GALNT17: variants seen among roughly 807,000 people sequenced by gnomAD.
GALNT17 encodes the protein UDP-GalNAc:polypeptide N-acetylgalactosaminyltransferase-like 3.
A neutral mutation model predicts 63.7 loss-of-function variants in GALNT17; 29 were observed. That is an observed-to-expected ratio of 0.46 (90% CI 0.34 to 0.62). GALNT17 has a LOEUF of 0.62. Among genes scored for constraint, GALNT17 ranks in the 20% least tolerant of loss-of-function variants. The pLI is 0.01. For synonymous variants in GALNT17, 305 were observed against 318.3 expected (o/e 0.96, Z 0.45); for missense variants, 603 against 799.6 (o/e 0.75, Z 2.97).
chr7:71,273,048 T>C (rs1421786535), intron 1 of GALNT17, among the ~76,000 whole-genome samples: 1 of 151,970 alleles, frequency 6.6e-6, no homozygotes, highest in Admixed American at 6.6e-5. Flanking sequence ...ACTCCTGTTA[T>C]TAGCAGTGAA....
chr7:71,336,275 C>T (rs1194303390), intron 2 of GALNT17, among the ~76,000 whole-genome samples: 1 of 152,016 alleles, frequency 6.6e-6, no homozygotes, highest in Non-Finnish European at 1.5e-5. Flanking sequence ...GAACTCCTGA[C>T]CTCAGGTGAT....
chr7:71,614,338 C>T (rs1790166710), intron 6 of GALNT17, among the ~76,000 whole-genome samples: 1 of 151,720 alleles, frequency 6.6e-6, no homozygotes, highest in African/African-American at 2.4e-5. Context: ...TTTCAGATTT[C>T]CAAATTATGG....
chr7:71,321,473 A>G (rs1460694253), intron 1 of GALNT17, among the ~76,000 whole-genome samples: 1 of 152,204 alleles, frequency 6.6e-6, no homozygotes, highest in Non-Finnish European at 1.5e-5. Context: ...GATCCTCGCC[A>G]TCACAGTGGC....
chr7:71,585,560 G>T (rs968310125), intron 6 of GALNT17, among the ~76,000 whole-genome samples: 3 of 152,088 alleles, frequency 2.0e-5, no homozygotes, highest in Admixed American at 6.5e-5. Flanking sequence ...TAATGAGTTG[G>T]TGTCATAGCA....
At chr7:71,672,701 G>A (rs904595977) in intron 8 of GALNT17, among the ~76,000 whole-genome samples, 3 of 152,018 alleles carry the variant, frequency 2.0e-5, no homozygotes, top group Non-Finnish European at 2.9e-5. Context: ...ACAGGCACAC[G>A]CCACCACGCC....
chr7:71,617,628 GTTTGTTT>G, intron 6 of GALNT17, among the ~76,000 whole-genome samples: 1 of 149,670 alleles, frequency 6.7e-6, no homozygotes, highest in East Asian at 2.0e-4. Context: ...TTGTTTGTTT[GTTTGTTT>G]GTTTGTTTGT....
At chr7:71,682,084 G>A (rs587698) in intron 9 of GALNT17, among the ~76,000 whole-genome samples, 57,597 of 151,700 alleles carry the variant, frequency 0.38, 11,798 homozygotes, top group African/African-American at 0.54. Flanking sequence ...CCACCACCAT[G>A]CCCAGCTAAT....
intron 5 of GALNT17, among the ~76,000 whole-genome samples, chr7:71,468,799 G>C (rs1346289262): frequency 6.6e-6 from 1 of 152,088 alleles, no homozygotes; most frequent in Non-Finnish European, 1.5e-5. Flanking sequence ...ATCTGGGACT[G>C]CTTTTGTTCT....
chr7:71,332,752 C>T (rs1395320922), intron 1 of GALNT17, among the ~76,000 whole-genome samples: 5 of 152,008 alleles, frequency 3.3e-5, no homozygotes, highest in African/African-American at 7.3e-5. Flanking sequence ...AGTGCAGTGG[C>T]GCAGTCTTGG....
intron 1 of GALNT17, among the ~76,000 whole-genome samples, chr7:71,254,179 T>G (rs1477227139): frequency 6.6e-6 from 1 of 151,884 alleles, no homozygotes. Context: ...GTTGAAAGAG[T>G]TAAGTTATTA....
chr7:71,192,298 A>G (rs1393283027), intron 1 of GALNT17, among the ~76,000 whole-genome samples: 3 of 152,090 alleles, frequency 2.0e-5, no homozygotes, highest in Non-Finnish European at 4.4e-5. Context: ...TCCTTTGGCA[A>G]CACCCTCACA....
At chr7:71,166,354 T>C (rs1277369959) in intron 1 of GALNT17, among the ~76,000 whole-genome samples, 1 of 152,226 alleles carries the variant, frequency 6.6e-6, no homozygotes, top group Non-Finnish European at 1.5e-5. Flanking sequence ...TATTGAGGTA[T>C]AATTGACATA....
chr7:71,156,344 A>G (rs1310742869), intron 1 of GALNT17, among the ~76,000 whole-genome samples: 1 of 151,880 alleles, frequency 6.6e-6, no homozygotes, highest in Admixed American at 6.6e-5. Context: ...AAAAAGTACT[A>G]ATTTCCAGAT....
chr7:71,525,716 C>T (rs758411774), intron 5 of GALNT17, among the ~76,000 whole-genome samples: 2 of 144,102 alleles, frequency 1.4e-5, no homozygotes, highest in Non-Finnish European at 3.0e-5. Context: ...TGAAATTACT[C>T]AGTCTTGGGT....
At chr7:71,404,727 C>T (rs922073641) in intron 3 of GALNT17, among the ~76,000 whole-genome samples, 1 of 152,196 alleles carries the variant, frequency 6.6e-6, no homozygotes, top group Non-Finnish European at 1.5e-5. Flanking sequence ...CCTGAGGCTT[C>T]TTCAGAGCTT....
intron 1 of GALNT17, among the ~76,000 whole-genome samples, chr7:71,228,172 C>T (rs1014238688): frequency 5.9e-5 from 9 of 152,110 alleles, no homozygotes; most frequent in Admixed American, 5.9e-4. Flanking sequence ...GGCCCACACA[C>T]AGCCCAGCTG....
intron 6 of GALNT17, among the ~76,000 whole-genome samples, chr7:71,621,501 A>AGATGGATG (rs71816496): frequency 0.066 from 2,824 of 42,524 alleles, 117 homozygotes; most frequent in Middle Eastern, 0.13. Context: ...ATTGATGGAT[A>AGATGGATG]GATGGATGGA....
At chr7:71,535,050 C>CAA (rs1788782714) in intron 5 of GALNT17, among the ~76,000 whole-genome samples, 1 of 152,098 alleles carries the variant, frequency 6.6e-6, no homozygotes, top group East Asian at 1.9e-4. Flanking sequence ...TAGTAGGAGC[C>CAA]AACATGCCTA....
intron 1 of GALNT17, among the ~76,000 whole-genome samples, chr7:71,273,582 C>A (rs1320520324): frequency 6.6e-6 from 1 of 152,190 alleles, no homozygotes; most frequent in African/African-American, 2.4e-5. Flanking sequence ...ATGAAGTATT[C>A]CTGTTTGTGG....
Sources: gnomAD v4.1 joint callset for allele counts (sites outside exome capture counted in the v4.1 genomes callset) on GRCh38, gnomAD v4.1.1 for gene constraint, MANE v1.5 for transcripts, NCBI Gene and HGNC (gene_info 2026-07-23, HGNC 2026-07-21) for gene names.